The following LRRC38 variants were observed in gnomAD, a reference collection of about 807,000 sequenced individuals.
LRRC38 encodes the protein leucine rich repeat containing 38, also known as leucine-rich repeat-containing protein 38.
In LRRC38, 5 loss-of-function variants were observed where a neutral mutation model predicts 16.4. The observed-to-expected ratio is 0.31, with a 90% confidence interval of 0.16 to 0.64. The LOEUF is 0.64. Ranked by LOEUF, LRRC38 falls within the 30% of genes least tolerant of loss-of-function variation. LRRC38 has a pLI of 0.80. For missense variants in LRRC38, 341 were observed against 401.8 expected (o/e 0.85, Z 1.29); for synonymous variants, 191 against 190.2 (o/e 1.00, Z -0.04).
At chr1:13,512,939 C>CCCCG in intron 1 of LRRC38, 24 bp downstream of exon 1, 29 of 1,524,942 alleles carry the variant, frequency 1.9e-5, no homozygotes, top group South Asian at 1.1e-4. Flanking sequence ...CCCTCCCTCC[C>CCCCG]CCAGCCTAGC....
Position 13,485,235 on chromosome 1 carries a change from C to T in LRRC38, c.632-9136G>A, listed in dbSNP as rs141583029. 4.2e-3 allele frequency among the ~76,000 whole-genome samples: 616 copies of T among 145,490 alleles called. 6 individuals are homozygous for T. The highest frequency in any genetic ancestry group is 0.015 in the African/African-American group (571 of 38,744). On this transcript the variant is annotated intron_variant, in intron 1 of 1. Coordinates refer to ENST00000376085, the MANE Select transcript of LRRC38 (RefSeq NM_001010847.2). ...GAGGTTGTGATGAGCCAAGATCGCG[C>T]CATTGTACTCCAGCCTAGGCAACAA... is the stretch of plus-strand genomic sequence containing the variant.
At position 13,475,736 on chromosome 1, in the gene LRRC38, CAG is replaced by C; in HGVS notation, c.*108_*109del. ...GCCAAGACACGGAACAGGCTCTGTT[CAG>C]TTCACAGATGGTGGCCAGTGCTTTT... On this transcript the variant is annotated 3_prime_UTR_variant, in exon 2 of 2. Coordinates refer to ENST00000376085, the MANE Select transcript of LRRC38 (RefSeq NM_001010847.2). The surrounding 1 kb of genome is among the most constrained non-coding windows in gnomAD (Gnocchi z 4.3). 1 of 1,383,290 alleles carries C rather than the reference CAG, an allele frequency of 7.2e-7. No individual in the cohort carries two copies. The highest frequency in any genetic ancestry group is 9.7e-7 in the Non-Finnish European group (1 of 1,026,570). The allele number at this position is 1,383,290 out of a possible 1,614,324, so 85.7% of individuals were successfully genotyped here.
At chr1:13,507,530 T>C (rs969394135) in intron 1 of LRRC38, among the ~76,000 whole-genome samples, 2 of 152,132 alleles carry the variant, frequency 1.3e-5, no homozygotes, top group Non-Finnish European at 2.9e-5. Flanking sequence ...TTTTAAAAAA[T>C]GAGAATAAAA....
At chr1:13,510,119 G>T (rs1639258222) in intron 1 of LRRC38, among the ~76,000 whole-genome samples, 1 of 152,144 alleles carries the variant, frequency 6.6e-6, no homozygotes, top group Admixed American at 6.5e-5. Flanking sequence ...CTTCTCTGGG[G>T]GACAAGGGGG....
Position 13,513,507 on chromosome 1 carries a change from G to A in LRRC38, c.87C>T (p.Pro29=). 6.8e-7 allele frequency: 1 copy of A among 1,461,994 alleles called. No individual in the cohort carries two copies. The highest frequency in any genetic ancestry group is 9.0e-7 in the Non-Finnish European group (1 of 1,107,498). The allele number at this position is 1,461,994 out of a possible 1,614,324, so 90.6% of individuals were successfully genotyped here. The change falls in exon 1 of 2, where the codon CCC becomes CCT. Residue 29 remains proline (P), a synonymous_variant. Transcript: ENST00000376085. ...LLLLAPGHAC[P]AGCACTDPHT... The stretch of plus-strand genomic sequence containing the variant: ...GCGGGTCGGTGCAGGCGCAGCCCGC[G>A]GGGCACGCGTGCCCGGGCGCGAGCA...
At chr1:13,508,201 C>T (rs1344723827) in intron 1 of LRRC38, among the ~76,000 whole-genome samples, 1 of 152,194 alleles carries the variant, frequency 6.6e-6, no homozygotes, top group African/African-American at 2.4e-5. Context: ...CATGCCACTG[C>T]ACTCCAGCCT....
At chr1:13,488,604 C>T (rs1331884504) in intron 1 of LRRC38, among the ~76,000 whole-genome samples, 1 of 152,092 alleles carries the variant, frequency 6.6e-6, no homozygotes, top group Admixed American at 6.6e-5. Context: ...AAGATACATT[C>T]CCACAAGTTG....
intron 1 of LRRC38, among the ~76,000 whole-genome samples, chr1:13,486,649 G>A (rs1459264930): frequency 6.8e-6 from 1 of 147,960 alleles, no homozygotes; most frequent in Non-Finnish European, 1.5e-5. Context: ...GGAGTGCAGT[G>A]GCACGGTCTT....
intron 1 of LRRC38, among the ~76,000 whole-genome samples, chr1:13,508,444 C>G (rs1639236592): frequency 6.6e-6 from 1 of 152,184 alleles, no homozygotes; most frequent in African/African-American, 2.4e-5. Flanking sequence ...AAGGCCATTT[C>G]AAGTTAAATC....
At chr1:13,495,353 C>T (rs1639069336) in intron 1 of LRRC38, among the ~76,000 whole-genome samples, 3 of 152,028 alleles carry the variant, frequency 2.0e-5, no homozygotes, top group Non-Finnish European at 2.9e-5. Context: ...GTGGGTGATC[C>T]AGTTTCTGAC....
intron 1 of LRRC38, among the ~76,000 whole-genome samples, chr1:13,492,754 C>A (rs1473282361): frequency 6.6e-6 from 1 of 152,096 alleles, no homozygotes; most frequent in Non-Finnish European, 1.5e-5. Context: ...CCAGCCCTGA[C>A]ACTCTATGAA....
intron 1 of LRRC38, among the ~76,000 whole-genome samples, chr1:13,505,757 T>C (rs1465215192): frequency 6.6e-6 from 1 of 152,106 alleles, no homozygotes; most frequent in Non-Finnish European, 1.5e-5. Flanking sequence ...TGATGCTTGA[T>C]GGAAGACCTG....
chr1:13,481,126 C>G (rs1638848352), intron 1 of LRRC38, among the ~76,000 whole-genome samples: 1 of 152,036 alleles, frequency 6.6e-6, no homozygotes. Flanking sequence ...TGTTCTTCCT[C>G]CCCACCCCCT....
At chr1:13,508,875 C>T (rs1419050409) in intron 1 of LRRC38, among the ~76,000 whole-genome samples, 5 of 152,160 alleles carry the variant, frequency 3.3e-5, no homozygotes, top group South Asian at 2.1e-4. Flanking sequence ...CATCAGAAAA[C>T]GGAAGTGGAG....
At chr1:13,485,770 G>GT (rs1268540802) in intron 1 of LRRC38, among the ~76,000 whole-genome samples, 3 of 152,130 alleles carry the variant, frequency 2.0e-5, no homozygotes, top group Non-Finnish European at 4.4e-5. Flanking sequence ...TGCTGTGTTT[G>GT]TTTTTTGGGC....
chr1:13,495,179 G>T (rs1487710775), intron 1 of LRRC38, among the ~76,000 whole-genome samples: 1 of 152,200 alleles, frequency 6.6e-6, no homozygotes, highest in African/African-American at 2.4e-5. Context: ...AAAGAATGAG[G>T]ATGAGCTGGT....
At chr1:13,482,976 T>G (rs1255593753) in intron 1 of LRRC38, among the ~76,000 whole-genome samples, 1 of 152,090 alleles carries the variant, frequency 6.6e-6, no homozygotes, top group Non-Finnish European at 1.5e-5. Context: ...CCCGGGGCCA[T>G]GTAGCAGGGA....
chr1:13,509,227 G>GA (rs1639247204), intron 1 of LRRC38, among the ~76,000 whole-genome samples: 1 of 152,034 alleles, frequency 6.6e-6, no homozygotes. Context: ...GAATCAGCTC[G>GA]AATCTCTTTC....
At chr1:13,500,409 G>T (rs185571934) in intron 1 of LRRC38, among the ~76,000 whole-genome samples, 4 of 152,290 alleles carry the variant, frequency 2.6e-5, no homozygotes, top group Middle Eastern at 3.4e-3. Context: ...CCATCTGAAT[G>T]CTTCCTTTGC....
Sources: gnomAD v4.1 joint callset for allele counts (sites outside exome capture counted in the v4.1 genomes callset) on GRCh38, gnomAD v4.1.1 for gene constraint, Gnocchi (gnomAD v3.1) non-coding constraint, MANE v1.5 for transcripts, NCBI Gene and HGNC (gene_info 2026-07-23, HGNC 2026-07-21) for gene names.